MYT1L: variants seen among roughly 807,000 people sequenced by gnomAD.
MYT1L encodes myelin transcription factor 1-like protein.
A neutral mutation model predicts 126.7 loss-of-function variants in MYT1L; 12 were observed. That is an observed-to-expected ratio of 0.09 (90% CI 0.06 to 0.15). The LOEUF (loss-of-function observed/expected upper bound fraction) is 0.15. Ranked by LOEUF, MYT1L falls within the 10% of genes least tolerant of loss-of-function variation. MYT1L has a pLI of 1.00. For missense variants in MYT1L, 979 were observed against 1,585.2 expected, an observed-to-expected ratio of 0.62 and a Z score of 6.49; for synonymous variants, 541 against 604.2, an observed-to-expected ratio of 0.90 and a Z score of 1.53.
intron 13 of MYT1L, among the ~76,000 whole-genome samples, chr2:1,907,565 G>T (rs1310322486): frequency 6.6e-6 from 1 of 152,178 alleles, no homozygotes; most frequent in Non-Finnish European, 1.5e-5. Flanking sequence ...GGGAGGAGAG[G>T]CTTCAGCTAG....
At chr2:1,832,438 T>C (rs1276500876) in intron 21 of MYT1L, among the ~76,000 whole-genome samples, 1 of 152,174 alleles carries the variant, frequency 6.6e-6, no homozygotes, top group Non-Finnish European at 1.5e-5. Context: ...ATTCTTTCCT[T>C]GTGTTCCCAA....
chr2:1,844,394 G>A (rs2042229148), intron 19 of MYT1L, among the ~76,000 whole-genome samples: 1 of 152,282 alleles, frequency 6.6e-6, no homozygotes. Context: ...AGGAGCAATG[G>A]AATTAGAACT....
chr2:2,230,630 C>T (rs1321065322), intron 2 of MYT1L, among the ~76,000 whole-genome samples: 5 of 152,196 alleles, frequency 3.3e-5, no homozygotes, highest in African/African-American at 4.8e-5. Context: ...AGACGCCACG[C>T]TGTGGAAAAT....
intron 18 of MYT1L, among the ~76,000 whole-genome samples, chr2:1,866,662 GGA>G (rs1364977341): frequency 2.0e-5 from 1 of 48,814 alleles, no homozygotes; most frequent in Non-Finnish European, 3.4e-5. Context: ...AGAGAGAGAG[GGA>G]GAGGGAGGGA....
At chr2:2,085,071 C>T (rs2150343962) in intron 3 of MYT1L, among the ~76,000 whole-genome samples, 1 of 152,254 alleles carries the variant, frequency 6.6e-6, no homozygotes, top group Non-Finnish European at 1.5e-5. Flanking sequence ...ATGCATTCTC[C>T]TTTCACCTCT....
chr2:2,137,832 G>A (rs1466386967), intron 3 of MYT1L, among the ~76,000 whole-genome samples: 1 of 152,120 alleles, frequency 6.6e-6, no homozygotes, highest in Non-Finnish European at 1.5e-5. Flanking sequence ...AGCCACAATT[G>A]ACAAATGGGA....
At chr2:1,797,614 C>G (rs2033872698) in intron 23 of MYT1L, among the ~76,000 whole-genome samples, 1 of 152,232 alleles carries the variant, frequency 6.6e-6, no homozygotes, top group Non-Finnish European at 1.5e-5. Context: ...GATTTTTCAG[C>G]CACATAGGAA....
chr2:2,054,201 G>A (rs1294293522), intron 3 of MYT1L, 78 bp from the exon 4 acceptor site: 1 of 152,696 alleles, frequency 6.5e-6, no homozygotes, highest in Non-Finnish European at 1.5e-5. Context: ...GGACGTGATT[G>A]TCAGGTCTTT....
chr2:2,125,886 T>C (rs913736853), intron 3 of MYT1L, among the ~76,000 whole-genome samples: 6 of 152,092 alleles, frequency 3.9e-5, no homozygotes, highest in Admixed American at 2.0e-4. Flanking sequence ...CACCAAGAGA[T>C]GTAGTCATTC....
intron 4 of MYT1L, among the ~76,000 whole-genome samples, chr2:2,004,518 A>ATTTCCTGCATACGTTC (rs2062925448): frequency 2.7e-5 from 1 of 37,584 alleles, no homozygotes; most frequent in Non-Finnish European, 5.5e-5. Context: ...TGCAGGCATT[A>ATTTCCTGCATACGTTC]TTTCCTGCAT....
At chr2:1,956,574 T>TTCTTTCTTTCTATCTA (rs1369480046) in intron 8 of MYT1L, among the ~76,000 whole-genome samples, 2,566 of 101,578 alleles carry the variant, frequency 0.025, 72 homozygotes, top group East Asian at 0.068. Flanking sequence ...ATATTTCCTA[T>TTCTTTCTTTCTATCTA]TCTATCTATC....
rs1316008869 is a variant in MYT1L, at chr2:2,331,113, G to A, written c.-667C>T. On this transcript the variant is annotated 5_prime_UTR_variant, in exon 1 of 25. Coordinates refer to ENST00000647738, the MANE Select transcript of MYT1L (RefSeq NM_001303052.2). Reference sequence around the variant, plus strand: ...GACACATGCATGCCACCAAGACGCAGAAAAGGTGGCTTTTTGTCTTCAGTG... The same window carrying A: ...GACACATGCATGCCACCAAGACGCAAAAAAGGTGGCTTTTTGTCTTCAGTG... The A allele has an allele frequency of 1.3e-5, 2 of 152,060 alleles. No individual in the cohort carries two copies. The highest frequency in any genetic ancestry group is 4.8e-5 in the African/African-American group (2 of 41,408). 9.4% of individuals were successfully genotyped at this position (152,060 alleles called of 1,614,324 possible).
chr2:1,909,232 C>T (rs1452068553), intron 13 of MYT1L, among the ~76,000 whole-genome samples: 1 of 152,162 alleles, frequency 6.6e-6, no homozygotes, highest in East Asian at 1.9e-4. Context: ...AATCAATCCT[C>T]CCACCTCAGC....
intron 2 of MYT1L, among the ~76,000 whole-genome samples, chr2:2,183,023 G>A (rs2148655963): frequency 6.6e-6 from 1 of 152,304 alleles, no homozygotes; most frequent in South Asian, 2.1e-4. Flanking sequence ...CCGAGGAGCA[G>A]CAGCTGAGCT....
intron 21 of MYT1L, among the ~76,000 whole-genome samples, chr2:1,819,223 C>T (rs1284151720): frequency 1.3e-5 from 2 of 152,202 alleles, no homozygotes; most frequent in African/African-American, 4.8e-5. Flanking sequence ...TGAGAAGAGA[C>T]GTTTTGAAGA....
intron 21 of MYT1L, among the ~76,000 whole-genome samples, chr2:1,836,708 C>T (rs1263575753): frequency 6.6e-6 from 1 of 150,934 alleles, no homozygotes; most frequent in Non-Finnish European, 1.5e-5. Context: ...ATCCCATCAG[C>T]CTGCATCCCA....
intron 3 of MYT1L, among the ~76,000 whole-genome samples, chr2:2,145,206 TTGTC>T (rs2084694150): frequency 6.6e-6 from 1 of 152,186 alleles, no homozygotes; most frequent in Non-Finnish European, 1.5e-5. Context: ...TGTGGCCTCA[TTGTC>T]TGTGTACGAC....
chr2:2,174,283 C>G (rs1338725545), intron 2 of MYT1L, among the ~76,000 whole-genome samples: 3 of 152,174 alleles, frequency 2.0e-5, no homozygotes, highest in Admixed American at 6.5e-5. Flanking sequence ...CAGCTATCTA[C>G]ACTGGAAAAT....
chr2:2,219,820 A>G (rs1425162461), intron 2 of MYT1L, among the ~76,000 whole-genome samples: 4 of 152,000 alleles, frequency 2.6e-5, no homozygotes. Context: ...TTTTCGGTGT[A>G]CTCTTATGGC....
Sources: gnomAD v4.1 joint callset for allele counts (sites outside exome capture counted in the v4.1 genomes callset) on GRCh38, gnomAD v4.1.1 for gene constraint, MANE v1.5 for transcripts, NCBI Gene and HGNC (gene_info 2026-07-23, HGNC 2026-07-21) for gene names.